Variants in GRB10 observed in about 807,000 individuals in gnomAD.
GRB10 encodes growth factor receptor-bound protein 10.
In GRB10, 20 loss-of-function variants were observed where a neutral mutation model predicts 80.9. That is an observed-to-expected ratio of 0.25 (90% CI 0.17 to 0.36). The LOEUF is 0.36. Ranked by LOEUF, GRB10 falls within the 10% of genes least tolerant of loss-of-function variation. The pLI is 1.00. For missense variants in GRB10, 548 were observed against 747.7 expected, an observed-to-expected ratio of 0.73 and a Z score of 3.12; for synonymous variants, 291 against 291.5, an observed-to-expected ratio of 1.00 and a Z score of 0.02.
At chr7:50,646,411 C>T (rs1398919382) in intron 7 of GRB10, among the ~76,000 whole-genome samples, 5 of 152,212 alleles carry the variant, frequency 3.3e-5, no homozygotes, top group Non-Finnish European at 7.3e-5. Context: ...CGCAGTGTCA[C>T]CTCTGGAGAA....
chr7:50,756,101 A>G (rs888718090), intron 2 of GRB10, 45 bp from the exon 3 acceptor site: 4 of 398,570 alleles, frequency 1.0e-5, no homozygotes, highest in African/African-American at 6.2e-5. Flanking sequence ...TAGAATTTAT[A>G]CAAATGAACT....
intron 2 of GRB10, among the ~76,000 whole-genome samples, chr7:50,779,949 G>A (rs1014384): frequency 0.62 from 93,505 of 151,988 alleles, 30,542 homozygotes; most frequent in Middle Eastern, 0.8. Flanking sequence ...CCCCTGGAGA[G>A]ATAGTCCTGG....
rs144725587 is a variant in GRB10 at position 50,623,635 on chromosome 7, C to T, written c.661+3187G>A. On this transcript the variant is annotated intron_variant, in intron 8 of 18. Transcript: ENST00000401949. ...ACACCCACGCATGGTGCTTTTCTCC[C>T]GCAGAAAGGGAACCACCTGCTGCAG... Among the ~76,000 whole-genome samples the T allele has an allele frequency of 1.4e-3, 206 of 152,286 alleles. 2 individuals are homozygous for T. The highest frequency in any genetic ancestry group is 4.1e-3 in the South Asian group (20 of 4,822).
intron 4 of GRB10, chr7:50,710,825 T>C (rs1310282795): frequency 6.3e-7 from 1 of 1,592,774 alleles, no homozygotes; most frequent in South Asian, 1.1e-5. Flanking sequence ...AATAAAGGGC[T>C]TGCCCAGCAA....
intron 2 of GRB10, among the ~76,000 whole-genome samples, chr7:50,773,307 C>T (rs2153710078): frequency 6.8e-6 from 1 of 147,622 alleles, no homozygotes; most frequent in East Asian, 2.0e-4. Flanking sequence ...CGATGTAACA[C>T]CTATTAGGAC....
intron 4 of GRB10, among the ~76,000 whole-genome samples, chr7:50,707,623 GAAT>G (rs1005273211): frequency 6.6e-6 from 1 of 152,170 alleles, no homozygotes; most frequent in Non-Finnish European, 1.5e-5. Context: ...CTATGTATGT[GAAT>G]AATTACTACA....
intron 2 of GRB10, among the ~76,000 whole-genome samples, chr7:50,768,618 T>C (rs781488209): frequency 6.6e-6 from 1 of 152,252 alleles, no homozygotes; most frequent in Non-Finnish European, 1.5e-5. Context: ...ATCTGGTTTC[T>C]GTAGGTCTGT....
intron 13 of GRB10, 80 bp from the exon 14 acceptor site, chr7:50,606,494 G>A (rs749298289): frequency 4.0e-6 from 4 of 1,007,360 alleles, no homozygotes; most frequent in Non-Finnish European, 6.4e-6. Flanking sequence ...AGCAGGAAAG[G>A]GCAATGTTGA....
intron 5 of GRB10, among the ~76,000 whole-genome samples, chr7:50,685,088 T>C (rs1273354285): frequency 3.3e-5 from 5 of 152,200 alleles, no homozygotes; most frequent in Admixed American, 1.3e-4. Context: ...TACCATCACA[T>C]CCAATGTTAA....
intron 5 of GRB10, among the ~76,000 whole-genome samples, chr7:50,690,269 C>T (rs1300877947): frequency 6.6e-6 from 1 of 151,358 alleles, no homozygotes; most frequent in Admixed American, 6.6e-5. Flanking sequence ...GCACTCCAGC[C>T]TGGGCAACAA....
chr7:50,699,424 C>T (rs1305968230), intron 5 of GRB10, among the ~76,000 whole-genome samples: 1 of 152,156 alleles, frequency 6.6e-6, no homozygotes, highest in African/African-American at 2.4e-5. Flanking sequence ...GGTTTCTTTT[C>T]AGTACTAGTT....
chr7:50,669,035 TC>T (rs765270660), intron 7 of GRB10, among the ~76,000 whole-genome samples: 1 of 152,228 alleles, frequency 6.6e-6, no homozygotes, highest in Non-Finnish European at 1.5e-5. Context: ...CAGAAACTCT[TC>T]AACTCCTGTG....
rs749089190 is a variant in GRB10, at chr7:50,593,084, C to T, written c.1653G>A (p.Gly551=). The T allele has an allele frequency of 6.2e-7, 1 of 1,614,050 alleles. No individual in the cohort carries two copies. Among genetic ancestry groups the T allele is most frequent in the African/African-American group, 1.3e-5 (1 of 74,920 alleles). The change falls in exon 19 of 19, where the codon GGG becomes GGA. Residue 551 remains glycine, a synonymous_variant. Transcript: ENST00000401949. ...NFQILPCEDD[G]QTFFSLDDGN... is the part of the protein sequence containing the mutation. ...CGTCATCTAGGCTGAAGAACGTCTG[C>T]CCGTCGTCCTCGCACTGGAGAGACA... is the stretch of plus-strand genomic sequence containing the variant.
chr7:50,773,379 T>G (rs1206223713), intron 2 of GRB10, among the ~76,000 whole-genome samples: 36 of 56,306 alleles, frequency 6.4e-4, no homozygotes, highest in South Asian at 2.1e-3. Context: ...GGAAGCGGAA[T>G]GGGAAGGGAA....
At chr7:50,776,191 A>C (rs978445973) in intron 2 of GRB10, among the ~76,000 whole-genome samples, 6 of 152,098 alleles carry the variant, frequency 3.9e-5, no homozygotes, top group African/African-American at 1.4e-4. Flanking sequence ...GCAAGCTAAA[A>C]ATTTTCCATA....
chr7:50,613,760 G>C (rs1387203319), intron 12 of GRB10, among the ~76,000 whole-genome samples: 1 of 152,194 alleles, frequency 6.6e-6, no homozygotes, highest in Admixed American at 6.5e-5. Context: ...CCTCTAGCTG[G>C]TGTGAATTAG....
At chr7:50,735,120 A>T (rs1408152008) in intron 3 of GRB10, among the ~76,000 whole-genome samples, 1 of 152,260 alleles carries the variant, frequency 6.6e-6, no homozygotes, top group Non-Finnish European at 1.5e-5. Context: ...GCAAAGGTAC[A>T]GGATACAAAG....
chr7:50,743,377 T>A (rs2072247201), intron 3 of GRB10, among the ~76,000 whole-genome samples: 2 of 152,266 alleles, frequency 1.3e-5, no homozygotes, highest in African/African-American at 2.4e-5. Context: ...GTAAATTTTT[T>A]AAATCAATAC....
chr7:50,614,602 T>C (rs1356207719), intron 12 of GRB10, among the ~76,000 whole-genome samples, 168 bp downstream of exon 12: 4 of 142,184 alleles, frequency 2.8e-5, no homozygotes, highest in Non-Finnish European at 4.8e-5. Context: ...CAAGGACTGA[T>C]AGCAGCAAGT....
Sources: allele counts gnomAD v4.1 joint callset (sites outside exome capture counted in the v4.1 genomes callset), GRCh38; gene constraint gnomAD v4.1.1; transcripts MANE v1.5; gene names NCBI Gene and HGNC (gene_info 2026-07-23, HGNC 2026-07-21).